The following NTRK2 variants were observed in gnomAD, a reference collection of about 807,000 sequenced individuals.
The protein encoded by NTRK2 is BDNF/NT-3 growth factors receptor.
Under a neutral mutation model 94.5 loss-of-function variants are expected in NTRK2, and 13 were observed. That is an observed-to-expected ratio of 0.14 (90% confidence interval 0.09 to 0.22). The LOEUF (loss-of-function observed/expected upper bound fraction) is 0.22. NTRK2 is among the 10% of genes least tolerant of loss of function. The pLI is 1.00. For missense variants in NTRK2, 639 were observed against 1,071.2 expected (o/e 0.60, Z 5.63); for synonymous variants, 372 against 407.4 (o/e 0.91, Z 1.05).
Position 84,905,331 on chromosome 9 carries a change from A to T in NTRK2, c.1634-28831A>T, listed in dbSNP as rs566458581. Among the ~76,000 whole-genome samples, 136 of 151,860 alleles carry T rather than the reference A, an allele frequency of 9.0e-4. 1 individual carries two copies. The highest frequency in any genetic ancestry group is 3.2e-3 in the African/African-American group (131 of 41,450). Reference sequence around the variant, plus strand: ...GACTGACAGAAACCAGGCATGTGCAAGGAAATGATGTGGACACAGAAGCAG... The same window carrying T: ...GACTGACAGAAACCAGGCATGTGCATGGAAATGATGTGGACACAGAAGCAG... On this transcript the variant is annotated intron_variant, in intron 14 of 18. Coordinates refer to ENST00000277120, the MANE Select transcript of NTRK2 (RefSeq NM_006180.6).
At chr9:84,686,507 G>A (rs909717138) in intron 2 of NTRK2, among the ~76,000 whole-genome samples, 2 of 152,174 alleles carry the variant, frequency 1.3e-5, no homozygotes, top group South Asian at 2.1e-4. Flanking sequence ...TTTTCCCTGC[G>A]ACTGCATTTA....
At chr9:84,702,014 T>G (rs2060760071) in intron 2 of NTRK2, 145 bp from the exon 3 acceptor site, 1 of 711,966 alleles carries the variant, frequency 1.4e-6, no homozygotes, top group Admixed American at 2.0e-5. Flanking sequence ...TCAGTTTTGC[T>G]CTACTGCTGT....
chr9:84,710,997 G>A (rs1218922855), intron 6 of NTRK2, among the ~76,000 whole-genome samples: 1 of 152,174 alleles, frequency 6.6e-6, no homozygotes, highest in Non-Finnish European at 1.5e-5. Context: ...AAAGTGCATA[G>A]AGAAAAAGTA....
At chr9:84,964,280 A>G (rs1002940980) in intron 17 of NTRK2, among the ~76,000 whole-genome samples, 5 of 152,218 alleles carry the variant, frequency 3.3e-5, no homozygotes, top group Non-Finnish European at 5.9e-5. Context: ...TTTATTGGTC[A>G]AGACCACAGC....
In NTRK2 at chr9:85,020,393, C is replaced by T. The variant is rs369007169; in HGVS notation, c.2331+29C>T. 3.7e-6 allele frequency: 6 copies of T among 1,612,592 alleles called. No homozygotes were observed. The African/African-American group carries it at 5.3e-5, about 14-fold the overall frequency. ...TGCAATGGGTCTGGCCAAGACCCTC[C>T]AGAGGGCTGAGATCCCAGAGGCATC... is the stretch of plus-strand genomic sequence containing the variant. On this transcript the variant is annotated intron_variant, in intron 18 of 18. Transcript: ENST00000277120.
At chr9:84,751,343 G>GT (rs748969267) in intron 11 of NTRK2, among the ~76,000 whole-genome samples, 4 of 152,170 alleles carry the variant, frequency 2.6e-5, no homozygotes, top group Non-Finnish European at 5.9e-5. Context: ...ACTTTGGGAG[G>GT]TGTAGGTGGA....
At chr9:85,003,074 G>A (rs528055640) in intron 17 of NTRK2, among the ~76,000 whole-genome samples, 174 of 152,268 alleles carry the variant, frequency 1.1e-3, no homozygotes, top group Non-Finnish European at 2.0e-3. Flanking sequence ...TCTCTTTATT[G>A]TGTCCTTAGT....
chr9:84,959,466 G>A (rs1031366601), intron 17 of NTRK2, among the ~76,000 whole-genome samples: 2 of 152,212 alleles, frequency 1.3e-5, no homozygotes, highest in Admixed American at 1.3e-4. Flanking sequence ...TTGAGGGATA[G>A]CCATGTCTCT....
chr9:84,939,051 C>CAAAAAAAA (rs138558531), intron 15 of NTRK2, among the ~76,000 whole-genome samples: 254 of 67,958 alleles, frequency 3.7e-3, no homozygotes, highest in Middle Eastern at 0.013. Context: ...GACCCCAACT[C>CAAAAAAAA]AAAAAAAAAA....
intron 4 of NTRK2, among the ~76,000 whole-genome samples, chr9:84,705,437 C>T (rs1215316749): frequency 1.3e-5 from 2 of 152,282 alleles, no homozygotes; most frequent in African/African-American, 4.8e-5. Flanking sequence ...CCCTCTTCCT[C>T]CATTTTGGCT....
intron 6 of NTRK2, among the ~76,000 whole-genome samples, chr9:84,719,108 T>A (rs1166421443): frequency 6.6e-6 from 1 of 152,168 alleles, no homozygotes; most frequent in Non-Finnish European, 1.5e-5. Flanking sequence ...AATACCACTT[T>A]ATCAGTGGTA....
At chr9:84,967,926 C>A (rs889085208) in intron 17 of NTRK2, among the ~76,000 whole-genome samples, 4 of 152,178 alleles carry the variant, frequency 2.6e-5, no homozygotes, top group African/African-American at 9.6e-5. Flanking sequence ...GGCTTAAGTT[C>A]TTCCCAGCTG....
chr9:84,685,815 T>G (rs1432784420), intron 2 of NTRK2, among the ~76,000 whole-genome samples: 1 of 152,242 alleles, frequency 6.6e-6, no homozygotes, highest in Non-Finnish European at 1.5e-5. Context: ...CATGCTCTTA[T>G]AGCCCCCTGT....
chr9:84,778,409 T>C (rs1180225257), intron 12 of NTRK2, among the ~76,000 whole-genome samples: 2 of 152,228 alleles, frequency 1.3e-5, no homozygotes, highest in Admixed American at 1.3e-4. Flanking sequence ...CTGATATTTT[T>C]AGAGAAGCAG....
chr9:84,946,986 C>T (rs1044705720), intron 15 of NTRK2, among the ~76,000 whole-genome samples: 2 of 152,076 alleles, frequency 1.3e-5, no homozygotes, highest in African/African-American at 4.8e-5. Flanking sequence ...GACAGAGTCT[C>T]GCTCTGTCGC....
At chr9:84,762,584 G>A (rs561248754) in intron 12 of NTRK2, among the ~76,000 whole-genome samples, 6 of 152,298 alleles carry the variant, frequency 3.9e-5, no homozygotes, top group Admixed American at 3.9e-4. Flanking sequence ...TCGTTTTCCT[G>A]TGATGTCATG....
chr9:84,845,500 C>T (rs747921654), intron 12 of NTRK2, among the ~76,000 whole-genome samples: 22 of 152,234 alleles, frequency 1.4e-4, no homozygotes, highest in South Asian at 4.1e-4. Context: ...AATTTGACAA[C>T]GCTTAATTGT....
At chr9:84,850,494 G>T (rs1052376864) in intron 12 of NTRK2, among the ~76,000 whole-genome samples, 2 of 152,118 alleles carry the variant, frequency 1.3e-5, no homozygotes, top group African/African-American at 4.8e-5. Context: ...GCCAGGTAAA[G>T]ATTTTGAATG....
chr9:85,016,290 T>G (rs1029503670), intron 17 of NTRK2, among the ~76,000 whole-genome samples: 7 of 152,144 alleles, frequency 4.6e-5, no homozygotes, highest in African/African-American at 1.7e-4. Flanking sequence ...TCCAGTCTCT[T>G]GGGTTGAGGA....
Sources: allele counts gnomAD v4.1 joint callset (sites outside exome capture counted in the v4.1 genomes callset), GRCh38; gene constraint gnomAD v4.1.1; transcripts MANE v1.5; gene names NCBI Gene and HGNC (gene_info 2026-07-23, HGNC 2026-07-21).